The following CSMD2 variants were observed in gnomAD, a reference collection of about 807,000 sequenced individuals.
CSMD2 encodes the protein CUB and sushi domain-containing protein 2.
In CSMD2, 130 loss-of-function variants were observed where a neutral mutation model predicts 398.5. The observed-to-expected ratio is 0.33, with a 90% CI of 0.28 to 0.38. CSMD2 has a LOEUF of 0.38. CSMD2 is among the 10% of genes least tolerant of loss of function. CSMD2 has a pLI of 1.00. For missense variants in CSMD2, 3,829 were observed against 4,764.9 expected (o/e 0.80, Z 5.78); for synonymous variants, 1,828 against 1,908.5 (o/e 0.96, Z 1.10).
At chr1:34,091,446 G>A (rs1658548361) in intron 1 of CSMD2, among the ~76,000 whole-genome samples, 1 of 152,192 alleles carries the variant, frequency 6.6e-6, no homozygotes, top group African/African-American at 2.4e-5. Context: ...TTAAGTAATG[G>A]GGCCCAAGTC....
At chr1:33,594,571 A>G (rs1639712301) in intron 44 of CSMD2, among the ~76,000 whole-genome samples, 2 of 152,114 alleles carry the variant, frequency 1.3e-5, no homozygotes, top group African/African-American at 4.8e-5. Flanking sequence ...GAAAAGTTTT[A>G]TCATTTCCAT....
At chr1:33,763,794 G>A (rs1376447611) in intron 13 of CSMD2, among the ~76,000 whole-genome samples, 1 of 152,182 alleles carries the variant, frequency 6.6e-6, no homozygotes, top group Non-Finnish European at 1.5e-5. Context: ...AACTGTTGGG[G>A]TGAGATGTGT....
At chr1:33,695,050 G>A (rs926114928) in intron 24 of CSMD2, among the ~76,000 whole-genome samples, 1 of 152,204 alleles carries the variant, frequency 6.6e-6, no homozygotes, top group Middle Eastern at 3.2e-3. Flanking sequence ...GTCAGGGAGG[G>A]TGCTGGTCTT....
At chr1:34,020,555 C>A (rs1243511477) in intron 3 of CSMD2, among the ~76,000 whole-genome samples, 1 of 152,182 alleles carries the variant, frequency 6.6e-6, no homozygotes, top group Non-Finnish European at 1.5e-5. Flanking sequence ...GCCTCTCCTG[C>A]TGTGGGGTAG....
chr1:33,711,223 T>C (rs923462362), intron 21 of CSMD2, among the ~76,000 whole-genome samples: 1 of 152,170 alleles, frequency 6.6e-6, no homozygotes, highest in African/African-American at 2.4e-5. Flanking sequence ...GGGCCATGCA[T>C]ATGTAAACAC....
At chr1:33,688,752 G>A (rs1367619077) in intron 25 of CSMD2, among the ~76,000 whole-genome samples, 1 of 152,142 alleles carries the variant, frequency 6.6e-6, no homozygotes, top group African/African-American at 2.4e-5. Flanking sequence ...GAAGGTAGGG[G>A]TTGCAGTGAG....
At chr1:34,042,635 G>C (rs1382319503) in intron 2 of CSMD2, among the ~76,000 whole-genome samples, 1 of 152,146 alleles carries the variant, frequency 6.6e-6, no homozygotes, top group Non-Finnish European at 1.5e-5. Context: ...TAAGAGATCT[G>C]GATCAGCTAG....
intron 40 of CSMD2, among the ~76,000 whole-genome samples, chr1:33,611,830 G>T (rs1641028060): frequency 6.6e-6 from 1 of 152,252 alleles, no homozygotes; most frequent in Non-Finnish European, 1.5e-5. Context: ...AGTTCTTAAT[G>T]TACATAGTAA....
intron 60 of CSMD2, 28 bp downstream of exon 60, chr1:33,540,497 G>T: frequency 3.7e-6 from 6 of 1,612,384 alleles, no homozygotes; most frequent in Non-Finnish European, 5.1e-6. Flanking sequence ...TGAAGAGGAT[G>T]CACCAAAGGC....
intron 5 of CSMD2, among the ~76,000 whole-genome samples, chr1:33,877,668 T>G (rs935974000): frequency 6.6e-6 from 1 of 152,152 alleles, no homozygotes; most frequent in Non-Finnish European, 1.5e-5. Flanking sequence ...GCTCTCAAGT[T>G]CTCTTCACTG....
intron 70 of CSMD2, among the ~76,000 whole-genome samples, chr1:33,517,955 C>T (rs1653912437): frequency 6.6e-6 from 1 of 152,256 alleles, no homozygotes; most frequent in African/African-American, 2.4e-5. Context: ...CTCATAAAAG[C>T]CTGTTTCCTC....
At chr1:33,738,925 T>A (rs915336981) in intron 15 of CSMD2, among the ~76,000 whole-genome samples, 1 of 152,188 alleles carries the variant, frequency 6.6e-6, no homozygotes, top group Non-Finnish European at 1.5e-5. Flanking sequence ...GAGCCGTTTC[T>A]CTACTTTAAT....
rs1646105239 is a variant in CSMD2 at position 33,714,673 on chromosome 1, G to A, written c.3320C>T (p.Pro1107Leu). ...GGCGGTGCCCTCCAGACGGTACCCG[G>A]GGAAGCAGGAGAAGGTCAAGGTGTC... ...VGDTLTFSCF[P>L]GYRLEGTARI... Residue 1107 changes from proline to leucine, a missense_variant, in exon 21 of 71, where the codon CCC becomes CTC. This residue lies in a region of CSMD2 where 2,001 missense variants were observed against 2,567.1 expected (regional missense o/e 0.78). Coordinates refer to ENST00000373381, the MANE Select transcript of CSMD2 (RefSeq NM_001281956.2). 6.2e-7 allele frequency: 1 copy of A among 1,613,922 alleles called. No homozygotes were observed. The highest frequency in any genetic ancestry group is 1.7e-5 in the Admixed American group (1 of 60,012).
chr1:34,093,352 TCTC>T (rs1173339164), intron 1 of CSMD2, among the ~76,000 whole-genome samples: 1 of 152,008 alleles, frequency 6.6e-6, no homozygotes, highest in African/African-American at 2.4e-5. Flanking sequence ...GCAGAGCGCC[TCTC>T]CTCCTCCAAA....
chr1:33,613,080 T>G (rs983121440), intron 40 of CSMD2, among the ~76,000 whole-genome samples: 2 of 152,190 alleles, frequency 1.3e-5, no homozygotes, highest in African/African-American at 2.4e-5. Flanking sequence ...TGGAGCAGCA[T>G]GTAGCTGCAG....
In CSMD2 at chr1:33,739,150, C is replaced by T. The variant is rs1387779453; in HGVS notation, c.2358G>A (p.Leu786=). 1 of 1,612,708 alleles carries T rather than the reference C, an allele frequency of 6.2e-7. No individual in the cohort carries two copies. The highest frequency in any genetic ancestry group is 1.3e-5 in the African/African-American group (1 of 74,884). ...EGSVVWNSAV[L]RCEAPCGGHL... ...CCTGCAGGCTCGTACCTTCACACCG[C>T]AGCACAGCGCTGTTCCAGACCACGC... Residue 786 remains leucine (L), a synonymous_variant, in exon 15 of 71, where the codon CTG becomes CTA. Transcript: ENST00000373381.
chr1:33,965,411 G>A (rs1645522873), intron 3 of CSMD2, among the ~76,000 whole-genome samples: 1 of 152,170 alleles, frequency 6.6e-6, no homozygotes, highest in South Asian at 2.1e-4. Flanking sequence ...CAATCTCCAG[G>A]TTCTTGTTGA....
At chr1:34,088,692 C>T (rs1437300898) in intron 2 of CSMD2, among the ~76,000 whole-genome samples, 5 of 152,214 alleles carry the variant, frequency 3.3e-5, no homozygotes, top group African/African-American at 1.2e-4. Flanking sequence ...AAATAATACA[C>T]CCTGTGCATG....
chr1:33,898,284 C>T (rs1642523199), intron 5 of CSMD2, among the ~76,000 whole-genome samples: 1 of 152,164 alleles, frequency 6.6e-6, no homozygotes, highest in South Asian at 2.1e-4. Flanking sequence ...AGAGATAAAG[C>T]ACTGCAAATT....
Sources: gnomAD v4.1 joint callset for allele counts (sites outside exome capture counted in the v4.1 genomes callset) on GRCh38, gnomAD v4.1.1 for gene constraint, gnomAD v4.1.1 regional missense constraint, MANE v1.5 for transcripts, NCBI Gene and HGNC (gene_info 2026-07-23, HGNC 2026-07-21) for gene names.